Variants in EPS8 observed in about 807,000 individuals in gnomAD.
EPS8 encodes the protein epidermal growth factor receptor kinase substrate 8.
Under a neutral mutation model 103.8 loss-of-function variants are expected in EPS8, and 42 were observed. The ratio of observed to expected loss-of-function variants is 0.40; its 90% CI spans 0.32 to 0.52. EPS8 has a LOEUF of 0.52. EPS8 is among the 20% of genes least tolerant of loss of function. The pLI is 0.40. For synonymous variants in EPS8, 344 were observed against 344.6 expected (o/e 1.00, Z 0.02); for missense variants, 969 against 1,005.1 (o/e 0.96, Z 0.49).
At chr12:15,763,687 A>T (rs1294556308) in intron 1 of EPS8, among the ~76,000 whole-genome samples, 1 of 152,226 alleles carries the variant, frequency 6.6e-6, no homozygotes, top group African/African-American at 2.4e-5. Flanking sequence ...ATATATGCAC[A>T]CGCTGCATGG....
chr12:15,705,428 A>C (rs933264057), intron 1 of EPS8, among the ~76,000 whole-genome samples: 1 of 152,192 alleles, frequency 6.6e-6, no homozygotes, highest in African/African-American at 2.4e-5. Flanking sequence ...TATGCATATA[A>C]GTTTGGGTAA....
At chr12:15,669,360 G>T in intron 6 of EPS8, 27 bp downstream of exon 6, 3 of 1,587,220 alleles carry the variant, frequency 1.9e-6, no homozygotes, top group Non-Finnish European at 2.6e-6. Flanking sequence ...GCTTAAAGAA[G>T]AAACAAAAAT....
intron 1 of EPS8, 167 bp from the exon 2 acceptor site, chr12:15,683,139 A>G: frequency 2.4e-6 from 1 of 421,350 alleles, no homozygotes; most frequent in South Asian, 5.5e-5. Flanking sequence ...GTATAGATGA[A>G]CATTTAAACA....
At chr12:15,705,374 A>G (rs988410075) in intron 1 of EPS8, among the ~76,000 whole-genome samples, 5 of 152,214 alleles carry the variant, frequency 3.3e-5, no homozygotes, top group African/African-American at 7.2e-5. Context: ...AAAAATTTTC[A>G]GTGTCTATTT....
At chr12:15,637,477 A>G (rs1490915671) in intron 17 of EPS8, among the ~76,000 whole-genome samples, 5 of 152,228 alleles carry the variant, frequency 3.3e-5, no homozygotes, top group Non-Finnish European at 7.3e-5. Context: ...CTACAAAAAA[A>G]TGTGCCTCCT....
Position 15,748,993 on chromosome 12 carries a change from C to T in EPS8, c.-22+40168G>A, listed in dbSNP as rs1156444576. On this transcript the variant is annotated intron_variant, in intron 1 of 20. Transcript: ENST00000281172. The surrounding 1 kb of genome is among the most constrained non-coding windows in gnomAD (Gnocchi z 4.8). ...TGTTAATGTTAAACTCCAGCAAAAG[C>T]AAATACTGAGACAACTGATGCTAGA... Among the ~76,000 whole-genome samples the T allele has an allele frequency of 6.6e-6, 1 of 152,094 alleles. No individual in the cohort carries two copies. The highest frequency in any genetic ancestry group is 1.5e-5 in the Non-Finnish European group (1 of 67,996).
chr12:15,674,265 A>C (rs1403059569), intron 3 of EPS8, among the ~76,000 whole-genome samples: 1 of 152,170 alleles, frequency 6.6e-6, no homozygotes, highest in Non-Finnish European at 1.5e-5. Context: ...TAAAAACAAA[A>C]ATGTTCCTTA....
intron 19 of EPS8, among the ~76,000 whole-genome samples, chr12:15,623,489 A>T (rs936890187): frequency 1.3e-5 from 2 of 152,166 alleles, no homozygotes; most frequent in African/African-American, 2.4e-5. Context: ...TATACAGATT[A>T]TTAATTACAA....
At position 15,757,920 on chromosome 12, in the gene EPS8, C is replaced by A. The variant is rs1380352040; in HGVS notation, c.-22+31241G>T. Among the ~76,000 whole-genome samples, 1 of 152,222 alleles carries A rather than the reference C, an allele frequency of 6.6e-6. No homozygotes were observed. The highest frequency in any genetic ancestry group is 1.5e-5 in the Non-Finnish European group (1 of 68,040). On this transcript the variant is annotated intron_variant, in intron 1 of 20. Transcript: ENST00000281172. The surrounding 1 kb of genome is among the most constrained non-coding windows in gnomAD (Gnocchi z 4.1). ...GAATTCTGACAGATCTCAGCTGGAA[C>A]AGCTATCTGCTCCTCATGCCTACTC...
At chr12:15,627,119 C>A (rs1944961407) in intron 18 of EPS8, among the ~76,000 whole-genome samples, 1 of 152,084 alleles carries the variant, frequency 6.6e-6, no homozygotes, top group African/African-American at 2.4e-5. Flanking sequence ...CCTGCCTCAG[C>A]CTATGGAGTA....
rs1387199404 is a variant in EPS8, at chr12:15,727,858, C to A, written c.-21-44886G>T. Among the ~76,000 whole-genome samples, 2 of 151,422 alleles carry A rather than the reference C, an allele frequency of 1.3e-5. No homozygotes were observed. The highest frequency in any genetic ancestry group is 2.4e-5 in the African/African-American group (1 of 41,316). ...GGGCGACAGAGCGAGACTCCATCCCCAAAAAAAATAAAATAAAATAAATAA... is the reference window on the plus strand; with the variant it reads ...GGGCGACAGAGCGAGACTCCATCCCAAAAAAAAATAAAATAAAATAAATAA... On this transcript the variant is annotated intron_variant, in intron 1 of 20. Transcript: ENST00000281172. This position sits in a 1 kb window ranked among gnomAD's most constrained non-coding sequence, Gnocchi z 4.3.
chr12:15,767,329 TCTAGTAA>T lies in EPS8; in HGVS notation c.-22+21825_-22+21831del, dbSNP rs757072457. Among the ~76,000 whole-genome samples, 7 of 152,192 alleles carry T rather than the reference TCTAGTAA, an allele frequency of 4.6e-5. No homozygotes were observed. Among genetic ancestry groups the T allele is most frequent in the Non-Finnish European group, 7.3e-5 (5 of 68,038 alleles). ...CAGAAGCAGACTAGTTCTACTAAGG[TCTAGTAA>T]CTACTGTTCACCAGTGGAATTTTAT... On this transcript the variant is annotated intron_variant, in intron 1 of 20. Transcript: ENST00000281172. The surrounding 1 kb of genome is among the most constrained non-coding windows in gnomAD (Gnocchi z 5.5).
At chr12:15,741,108 G>A (rs965598154) in intron 1 of EPS8, among the ~76,000 whole-genome samples, 1 of 152,176 alleles carries the variant, frequency 6.6e-6, no homozygotes, top group Non-Finnish European at 1.5e-5. Context: ...GGGCTTCATG[G>A]GCAGGCAGCC....
rs1310604145 is a variant in EPS8, at chr12:15,690,169, A to G, written c.-21-7197T>C. ...CACTGCATTTCCGTATAGCTCCTTA[A>G]GAGGATCAATCTTTTCTAAAGTGTA... On this transcript the variant is annotated intron_variant, in intron 1 of 20. Transcript: ENST00000281172. This position sits in a 1 kb window ranked among gnomAD's most constrained non-coding sequence, Gnocchi z 4.7. Among the ~76,000 whole-genome samples the G allele has an allele frequency of 6.6e-6, 1 of 152,202 alleles. No individual in the cohort carries two copies. The highest frequency in any genetic ancestry group is 1.9e-4 in the East Asian group (1 of 5,198).
At chr12:15,707,249 T>C (rs911451242) in intron 1 of EPS8, among the ~76,000 whole-genome samples, 2 of 152,230 alleles carry the variant, frequency 1.3e-5, no homozygotes, top group African/African-American at 2.4e-5. Flanking sequence ...ATAAATATTT[T>C]AGGCTTTGTG....
Position 15,733,655 on chromosome 12 carries a change from G to A in EPS8, c.-21-50683C>T, listed in dbSNP as rs192634095. On this transcript the variant is annotated intron_variant, in intron 1 of 20. Transcript: ENST00000281172. This position sits in a 1 kb window ranked among gnomAD's most constrained non-coding sequence, Gnocchi z 4.8. The stretch of plus-strand genomic sequence containing the variant: ...AAGAATAACAACAACAGAAATAAAG[G>A]CAGGTAAAAAGAAAAACAAACAAAC... Among the ~76,000 whole-genome samples, 2 of 151,900 alleles carry A rather than the reference G, an allele frequency of 1.3e-5. No individual in the cohort carries two copies.
chr12:15,630,729 T>A (rs931643641), intron 18 of EPS8, among the ~76,000 whole-genome samples: 1 of 152,176 alleles, frequency 6.6e-6, no homozygotes, highest in Non-Finnish European at 1.5e-5. Flanking sequence ...ATGATGATGA[T>A]GGCGACAGCA....
At chr12:15,652,569 C>T (rs746520936) in intron 13 of EPS8, among the ~76,000 whole-genome samples, 1 of 152,012 alleles carries the variant, frequency 6.6e-6, no homozygotes, top group South Asian at 2.1e-4. Flanking sequence ...ATATGTACAA[C>T]TATTAATAAT....
chr12:15,737,677 C>T (rs922218760), intron 1 of EPS8, among the ~76,000 whole-genome samples: 9 of 152,112 alleles, frequency 5.9e-5, no homozygotes, highest in African/African-American at 1.7e-4. Context: ...ACAGAAAGTC[C>T]GGCTTCAGAG....
Sources: gnomAD v4.1 joint callset for allele counts (sites outside exome capture counted in the v4.1 genomes callset) on GRCh38, gnomAD v4.1.1 for gene constraint, Gnocchi (gnomAD v3.1) non-coding constraint, MANE v1.5 for transcripts, NCBI Gene and HGNC (gene_info 2026-07-23, HGNC 2026-07-21) for gene names.